The following MAX variants were observed in gnomAD, a reference collection of about 807,000 sequenced individuals.
The protein encoded by MAX is MYC associated transcriptional regulator X.
MAX carries 3 observed loss-of-function variants against 22.3 expected under a neutral mutation model. The ratio of observed to expected loss-of-function variants is 0.13; its 90% CI spans 0.06 to 0.35. The LOEUF is 0.35. MAX is among the 10% of genes least tolerant of loss of function. MAX has a pLI of 1.00. For synonymous variants in MAX, 72 were observed against 77.7 expected, an observed-to-expected ratio of 0.93 and a Z score of 0.39; for missense variants, 119 against 209.4, an observed-to-expected ratio of 0.57 and a Z score of 2.66.
rs2063270923 is a variant in MAX, at chr14:65,084,288, G to C, written c.172-6252C>G. The stretch of plus-strand genomic sequence containing the variant: ...GGACAGGAGTACACAATTTCCAAAA[G>C]AGGAAATAGAGCTAGTAAATAAACA... On this transcript the variant is annotated intron_variant, in intron 3 of 4. Coordinates refer to ENST00000358664, the MANE Select transcript of MAX (RefSeq NM_002382.5). The surrounding 1 kb of genome is among the most constrained non-coding windows in gnomAD (Gnocchi z 4.3). 1 of 1,545,334 alleles carries C rather than the reference G, an allele frequency of 6.5e-7. No individual in the cohort carries two copies. Among genetic ancestry groups the C allele is most frequent in the South Asian group, 1.1e-5 (1 of 89,722 alleles).
chr14:65,087,639 C>A (rs990041708), intron 3 of MAX, among the ~76,000 whole-genome samples: 1 of 152,154 alleles, frequency 6.6e-6, no homozygotes, highest in African/African-American at 2.4e-5. Flanking sequence ...ATGCCTGTAC[C>A]CCCACTCTAT....
Position 65,075,227 on chromosome 14 carries a change from C to T in MAX, c.*1249G>A. On this transcript the variant is annotated 3_prime_UTR_variant, in exon 5 of 5. Coordinates refer to ENST00000358664, the MANE Select transcript of MAX (RefSeq NM_002382.5). This position sits in a 1 kb window ranked among gnomAD's most constrained non-coding sequence, Gnocchi z 4.1. ...GTATGTACAACATACTTTTTATTTC[C>T]ATGGAATGGAATCAAACACGAACTG... is the stretch of plus-strand genomic sequence containing the variant. 1.9e-6 allele frequency: 2 copies of T among 1,054,136 alleles called. No individual in the cohort carries two copies. Among genetic ancestry groups the T allele is most frequent in the South Asian group, 9.1e-5 (2 of 21,866 alleles). 65.3% of individuals were successfully genotyped at this position (1,054,136 alleles called of 1,614,324 possible).
chr14:65,056,901 A>G (rs893669399), intron 3 of MAX, among the ~76,000 whole-genome samples: 1 of 152,220 alleles, frequency 6.6e-6, no homozygotes, highest in Non-Finnish European at 1.5e-5. Flanking sequence ...ATTCAAGGGC[A>G]TGGCTCTGGC....
intron 3 of MAX, among the ~76,000 whole-genome samples, chr14:65,055,239 G>C (rs1312272312): frequency 6.6e-6 from 1 of 152,206 alleles, no homozygotes; most frequent in Non-Finnish European, 1.5e-5. Context: ...CCCTATGAGG[G>C]CAGGATGCTC....
At position 65,012,346 on chromosome 14, in the gene MAX, A is replaced by G. The variant is rs1278363233; in HGVS notation, c.172-6062T>C. On this transcript the variant is annotated intron_variant, in intron 3 of 3. Transcript: ENST00000341653. This position sits in a 1 kb window ranked among gnomAD's most constrained non-coding sequence, Gnocchi z 5.0. ...GTTTTGCAGAGGGAGAAGCACTTCC[A>G]TTATCTGAAAAGAGGCCTTCGACAA... 5 of 1,614,192 alleles carry G rather than the reference A, an allele frequency of 3.1e-6. No individual in the cohort carries two copies. In the South Asian group the frequency reaches 3.3e-5, roughly 11 times the overall value.
chr14:65,037,165 G>A (rs2062211507), intron 3 of MAX, among the ~76,000 whole-genome samples: 2 of 150,552 alleles, frequency 1.3e-5, no homozygotes, highest in Non-Finnish European at 3.0e-5. Flanking sequence ...GTGCAATGGC[G>A]TGATCTCGGC....
rs929388309 is a variant in MAX, at chr14:65,082,469, A to C, written c.172-4433T>G. On this transcript the variant is annotated intron_variant, in intron 3 of 4. Coordinates refer to ENST00000358664, the MANE Select transcript of MAX (RefSeq NM_002382.5). This position sits in a 1 kb window ranked among gnomAD's most constrained non-coding sequence, Gnocchi z 4.8. ...AGACTAGTCTTCAGAATTTGGTTGA[A>C]AAGTAAGAAGTAGGCCAGGTGCAGT... 5.9e-5 allele frequency: 9 copies of C among 152,226 alleles called. No individual in the cohort carries two copies. The highest frequency in any genetic ancestry group is 2.2e-4 in the African/African-American group (9 of 41,436). The allele number at this position is 152,226 out of a possible 1,614,324, so 9.4% of individuals were successfully genotyped here. A position where few individuals can be genotyped will look rare whatever the true frequency, so the allele number is the denominator to read the frequency against.
At chr14:65,090,746 C>A (rs912599570) in intron 3 of MAX, 2 of 152,164 alleles carry the variant, frequency 1.3e-5, no homozygotes, top group Admixed American at 6.6e-5. Flanking sequence ...TTCAAGCGAT[C>A]CACCTGCCTG....
At chr14:65,045,525 C>T (rs2062458804) in intron 3 of MAX, among the ~76,000 whole-genome samples, 1 of 150,716 alleles carries the variant, frequency 6.6e-6, no homozygotes, top group African/African-American at 2.4e-5. Flanking sequence ...AAGCAATTCT[C>T]CTGCCTCAGC....
At chr14:65,056,692 C>T (rs920788979) in intron 3 of MAX, among the ~76,000 whole-genome samples, 1 of 152,076 alleles carries the variant, frequency 6.6e-6, no homozygotes, top group Admixed American at 6.6e-5. Context: ...CAGTTGTTTT[C>T]CCTTAAGTAT....
In MAX at chr14:65,098,311, C is replaced by T. The variant is rs1384083884; in HGVS notation, c.63+3235G>A. The stretch of plus-strand genomic sequence containing the variant: ...CAGACAGTAGTTTCCTGAGTGAATT[C>T]CAATCTCGGAGGCTACCAAGCTCGT... On this transcript the variant is annotated intron_variant, in intron 2 of 4. Coordinates refer to ENST00000358664, the MANE Select transcript of MAX (RefSeq NM_002382.5). Among the ~76,000 whole-genome samples, 3 of 152,120 alleles carry T rather than the reference C, an allele frequency of 2.0e-5. No homozygotes were observed. In the South Asian group the frequency reaches 6.2e-4, roughly 31 times the overall value.
chr14:65,100,883 C>A (rs1124751), intron 2 of MAX, among the ~76,000 whole-genome samples: 73,231 of 152,106 alleles, frequency 0.48, 20,218 homozygotes, highest in African/African-American at 0.77. Context: ...TGATAACACT[C>A]TATGGTCTCA....
rs1047319572 is a variant in MAX at position 65,027,156 on chromosome 14, G to A, written c.172-20872C>T. Among the ~76,000 whole-genome samples the A allele has an allele frequency of 7.2e-5, 11 of 152,196 alleles. No homozygotes were observed. Among genetic ancestry groups the A allele is most frequent in the Non-Finnish European group, 1.2e-4 (8 of 68,024 alleles). ...TGGGAAAGGTTTGTGTGGGAAGCAC[G>A]GGAGACTCTTACCCCATAGCTACGA... On this transcript the variant is annotated intron_variant, in intron 3 of 3. Transcript: ENST00000341653. The surrounding 1 kb of genome is among the most constrained non-coding windows in gnomAD (Gnocchi z 5.7).
chr14:65,035,271 GT>G, intron 3 of MAX, among the ~76,000 whole-genome samples: 1 of 152,302 alleles, frequency 6.6e-6, no homozygotes, highest in East Asian at 1.9e-4. Flanking sequence ...AGAAAAAGTT[GT>G]GGGGGAAGGG....
At position 65,007,131 on chromosome 14, in the gene MAX, T is replaced by C. The variant is rs2139491348; in HGVS notation, c.172-847A>G. Among the ~76,000 whole-genome samples the C allele has an allele frequency of 6.6e-6, 1 of 152,348 alleles. No individual in the cohort carries two copies. Among genetic ancestry groups the C allele is most frequent in the South Asian group, 2.1e-4 (1 of 4,830 alleles). On this transcript the variant is annotated intron_variant, in intron 3 of 3. Coordinates refer to the MAX transcript ENST00000341653. This position sits in a 1 kb window ranked among gnomAD's most constrained non-coding sequence, Gnocchi z 4.9. The stretch of plus-strand genomic sequence containing the variant: ...TTTGGCTGAATGGCTGAGTATATAA[T>C]TCAACATATCAATATAAGGCTGAAG...
chr14:65,089,103 T>C (rs1421966098), intron 3 of MAX, among the ~76,000 whole-genome samples: 2 of 152,226 alleles, frequency 1.3e-5, no homozygotes, highest in African/African-American at 4.8e-5. Context: ...CCATCTATTA[T>C]GTCTTTTAAC....
chr14:65,025,151 T>A (rs965969917), intron 3 of MAX, among the ~76,000 whole-genome samples: 5 of 152,188 alleles, frequency 3.3e-5, no homozygotes, highest in African/African-American at 1.2e-4. Context: ...GACAGTCAGA[T>A]GCAGCATGTC....
chr14:65,036,960 A>G (rs2062206078), intron 3 of MAX, among the ~76,000 whole-genome samples: 1 of 152,036 alleles, frequency 6.6e-6, no homozygotes, highest in Non-Finnish European at 1.5e-5. Flanking sequence ...TCTTGTTTGG[A>G]AACTTGATGA....
Position 65,044,670 on chromosome 14 carries a change from A to C in MAX, c.172-38386T>G, listed in dbSNP as rs1185909400. On this transcript the variant is annotated intron_variant, in intron 3 of 3. Coordinates refer to the MAX transcript ENST00000341653. This position sits in a 1 kb window ranked among gnomAD's most constrained non-coding sequence, Gnocchi z 5.5. ...GCTTCTTCAAATTGGCTGCGACAGA[A>C]TGAGCTTCCTTGAAATTGCTACGGG... The C allele has an allele frequency of 7.5e-6, 5 of 663,524 alleles. No homozygotes were observed. Among genetic ancestry groups the C allele is most frequent in the Non-Finnish European group, 1.2e-5 (5 of 433,774 alleles). 41.1% of individuals were successfully genotyped at this position (663,524 alleles called of 1,614,324 possible). A position where few individuals can be genotyped will look rare whatever the true frequency, so the allele number is the denominator to read the frequency against.
Sources: gnomAD v4.1 joint callset for allele counts (sites outside exome capture counted in the v4.1 genomes callset) on GRCh38, gnomAD v4.1.1 for gene constraint, Gnocchi (gnomAD v3.1) non-coding constraint, MANE v1.5 for transcripts, NCBI Gene and HGNC (gene_info 2026-07-23, HGNC 2026-07-21) for gene names.